Variants in FMN1 observed in about 807,000 individuals in gnomAD.
The protein encoded by FMN1 is formin 1, also known as formin-1.
In FMN1, 110 loss-of-function variants were observed where a neutral mutation model predicts 132.4. The ratio of observed to expected loss-of-function variants is 0.83; its 90% CI spans 0.71 to 0.97. FMN1 has a LOEUF of 0.97. Ranked by LOEUF, FMN1 falls within the 50% of genes least tolerant of loss-of-function variation. FMN1 has a pLI of 0.00. For synonymous variants in FMN1, 722 were observed against 651.7 expected, an observed-to-expected ratio of 1.11 and a Z score of -1.64; for missense variants, 1,792 against 1,705.3, an observed-to-expected ratio of 1.05 and a Z score of -0.90.
intron 13 of FMN1, among the ~76,000 whole-genome samples, chr15:32,900,920 G>A (rs1245441512): frequency 6.6e-6 from 1 of 152,132 alleles, no homozygotes; most frequent in Non-Finnish European, 1.5e-5. Flanking sequence ...TTGGGAGGCC[G>A]AGGCAGGTGG....
At chr15:33,123,248 G>C (rs1430548263) in intron 4 of FMN1, among the ~76,000 whole-genome samples, 1 of 151,672 alleles carries the variant, frequency 6.6e-6, no homozygotes, top group African/African-American at 2.4e-5. Flanking sequence ...ACTTATTTCT[G>C]TCCACTCTGC....
intron 6 of FMN1, among the ~76,000 whole-genome samples, chr15:33,028,694 A>G (rs1189634044): frequency 6.6e-6 from 1 of 152,194 alleles, no homozygotes; most frequent in Non-Finnish European, 1.5e-5. Flanking sequence ...GTTCGGTTTC[A>G]TCTGGTAGCA....
chr15:33,007,863 T>C (rs1026297133), intron 7 of FMN1, 151 bp downstream of exon 7: 2 of 509,714 alleles, frequency 3.9e-6, no homozygotes. Flanking sequence ...AGACTTTTCA[T>C]TCCCTGTATA....
chr15:32,926,283 A>G (rs765972875), intron 9 of FMN1, 22 bp from the exon 10 acceptor site: 1 of 1,371,828 alleles, frequency 7.3e-7, no homozygotes. Context: ...AAAAAAAAAA[A>G]AAGAATACAA....
intron 11 of FMN1, among the ~76,000 whole-genome samples, chr15:32,909,583 G>A (rs571621893): frequency 2.0e-4 from 31 of 152,246 alleles, no homozygotes; most frequent in African/African-American, 6.0e-4. Flanking sequence ...AATATGAAAC[G>A]AATCATCTTT....
chr15:32,800,810 A>G (rs2057452974), intron 18 of FMN1, among the ~76,000 whole-genome samples: 1 of 152,228 alleles, frequency 6.6e-6, no homozygotes, highest in African/African-American at 2.4e-5. Flanking sequence ...TTTAAGAGAC[A>G]AAATAGTCGT....
At chr15:32,987,582 T>C (rs548524818) in intron 7 of FMN1, among the ~76,000 whole-genome samples, 2 of 152,192 alleles carry the variant, frequency 1.3e-5, no homozygotes, top group Non-Finnish European at 2.9e-5. Flanking sequence ...AAAACTTTGA[T>C]TTTTATAAAG....
chr15:32,913,527 A>G (rs911220712), intron 10 of FMN1, among the ~76,000 whole-genome samples: 3 of 151,954 alleles, frequency 2.0e-5, no homozygotes, highest in African/African-American at 7.3e-5. Context: ...GTCCTTCCCC[A>G]TTCCTGAACA....
At chr15:33,010,328 G>C (rs369963200) in intron 6 of FMN1, among the ~76,000 whole-genome samples, 1 of 152,110 alleles carries the variant, frequency 6.6e-6, no homozygotes, top group Non-Finnish European at 1.5e-5. Flanking sequence ...GGAGGGGGTT[G>C]ACTGCAAAGT....
At chr15:33,039,611 GC>G (rs912021989) in intron 6 of FMN1, among the ~76,000 whole-genome samples, 25 of 152,194 alleles carry the variant, frequency 1.6e-4, no homozygotes, top group African/African-American at 6.0e-4. Flanking sequence ...CCCTACATCT[GC>G]CCCAGGCCAG....
intron 7 of FMN1, among the ~76,000 whole-genome samples, chr15:32,999,278 A>C (rs1325839101): frequency 6.6e-6 from 1 of 152,222 alleles, no homozygotes; most frequent in Non-Finnish European, 1.5e-5. Flanking sequence ...GATAATGAAG[A>C]ATACAAAAAA....
At position 32,765,905 on chromosome 15, in the gene FMN1, A is replaced by C. The variant is rs906807335; in HGVS notation, c.*8405T>G. On this transcript the variant is annotated 3_prime_UTR_variant, in exon 21 of 21. Coordinates refer to ENST00000616417, the MANE Select transcript of FMN1 (RefSeq NM_001277313.2). Reference sequence around the variant, plus strand: ...CATTTGGTTGCAAATGACATTTATAAATTCAACTCATGAGCATTTCTCAGC... The same window carrying C: ...CATTTGGTTGCAAATGACATTTATACATTCAACTCATGAGCATTTCTCAGC... 1 of 152,202 alleles carries C rather than the reference A, an allele frequency of 6.6e-6. No individual in the cohort carries two copies. Among genetic ancestry groups the C allele is most frequent in the African/African-American group, 2.4e-5 (1 of 41,458 alleles). 9.4% of individuals were successfully genotyped at this position (152,202 alleles called of 1,614,324 possible).
In FMN1 at chr15:33,128,557, G is replaced by A. The variant is rs149361063; in HGVS notation, c.1867+24491C>T. ...TGTTAAGTAAACACATACCGAGTCC[G>A]GAGTTTCTTGCTTCCGATGCGTTCG... On this transcript the variant is annotated intron_variant, in intron 4 of 20. Transcript: ENST00000616417. Among the ~76,000 whole-genome samples, 26 of 152,336 alleles carry A rather than the reference G, an allele frequency of 1.7e-4. 1 individual carries two copies. The highest frequency in any genetic ancestry group is 6.0e-4 in the African/African-American group (25 of 41,568).
In FMN1 at chr15:33,154,671, C is replaced by T. The variant is rs1186111010; in HGVS notation, c.244G>A (p.Asp82Asn). The T allele has an allele frequency of 1.3e-6, 2 of 1,536,102 alleles. No individual in the cohort carries two copies. Among genetic ancestry groups the T allele is most frequent in the South Asian group, 1.2e-5 (1 of 84,058 alleles). The part of the protein sequence containing the change: ...DIFFKQTPTK[D>N]ILTELYKLTT... ...AGTTTGTACAGCTCAGTTAGAATGT[C>T]TTTCGTGGGAGTCTGCTTGAAAAAT... is the stretch of plus-strand genomic sequence containing the variant. The change falls in exon 4 of 21, where the codon GAC becomes AAC. Residue 82 changes from aspartate (D) to asparagine (N), a missense_variant. By Grantham distance (23) the Asp-to-Asn change is conservative. This residue lies in a region of FMN1 where 638 missense variants were observed against 645.2 expected (regional missense o/e 0.99). Transcript: ENST00000616417.
chr15:33,005,097 A>T (rs986488382), intron 7 of FMN1, among the ~76,000 whole-genome samples: 1 of 152,024 alleles, frequency 6.6e-6, no homozygotes, highest in Admixed American at 6.6e-5. Flanking sequence ...CTAAATGATG[A>T]GTTAATGAGT....
At chr15:32,877,323 A>C (rs559751251) in intron 16 of FMN1, among the ~76,000 whole-genome samples, 1 of 152,148 alleles carries the variant, frequency 6.6e-6, no homozygotes, top group Non-Finnish European at 1.5e-5. Flanking sequence ...GTATCAACAC[A>C]AGAATTTTTG....
intron 17 of FMN1, among the ~76,000 whole-genome samples, chr15:32,809,489 C>T (rs1465327654): frequency 6.6e-6 from 1 of 152,136 alleles, no homozygotes; most frequent in Non-Finnish European, 1.5e-5. Context: ...CCTGCCATCC[C>T]CATACTATCA....
At chr15:32,956,161 T>A (rs150315509) in intron 9 of FMN1, among the ~76,000 whole-genome samples, 121 of 152,192 alleles carry the variant, frequency 8.0e-4, no homozygotes, top group Middle Eastern at 3.4e-3. Flanking sequence ...TATCTTTGTA[T>A]CTCAGCATTC....
At chr15:33,110,892 A>C (rs1178969805) in intron 4 of FMN1, among the ~76,000 whole-genome samples, 1 of 152,094 alleles carries the variant, frequency 6.6e-6, no homozygotes, top group Admixed American at 6.6e-5. Context: ...GTATATTTTT[A>C]CTAACCTTAA....
Sources: gnomAD v4.1 joint callset for allele counts (sites outside exome capture counted in the v4.1 genomes callset) on GRCh38, gnomAD v4.1.1 for gene constraint, gnomAD v4.1.1 regional missense constraint, MANE v1.5 for transcripts, NCBI Gene and HGNC (gene_info 2026-07-23, HGNC 2026-07-21) for gene names.